Variants in UGT1A8 observed in about 807,000 individuals in gnomAD.
UGT1A8 encodes the protein UDP-glucuronosyltransferase 1A8.
Under a neutral mutation model 45.3 loss-of-function variants are expected in UGT1A8, and 39 were observed. The ratio of observed to expected loss-of-function variants is 0.86; its 90% CI spans 0.67 to 1.12. The LOEUF (loss-of-function observed/expected upper bound fraction) is 1.12. Ranked by LOEUF, UGT1A8 falls within the 50% of genes most tolerant of loss-of-function variation. The pLI is 0.00. For missense variants in UGT1A8, 719 were observed against 664.9 expected (o/e 1.08, Z -0.90); for synonymous variants, 275 against 249.2 (o/e 1.10, Z -0.97).
chr2:233,682,304 A>G, intron 1 of UGT1A8: 1 of 1,614,070 alleles, frequency 6.2e-7, no homozygotes, highest in South Asian at 1.1e-5. Flanking sequence ...ATTTTTTTCA[A>G]ATTGCAGGAG....
At chr2:233,718,270 A>G (rs1323395079) in intron 1 of UGT1A8, among the ~76,000 whole-genome samples, 2 of 152,200 alleles carry the variant, frequency 1.3e-5, no homozygotes, top group Non-Finnish European at 2.9e-5. Context: ...GGTGTGAAAA[A>G]AGACCAAAAC....
Position 233,772,243 on chromosome 2 carries a change from A to G in UGT1A8, c.1296-19A>G, listed in dbSNP as rs763747891. The stretch of plus-strand genomic sequence containing the variant: ...TACCACAGGTGTTCCAGGCATAACG[A>G]AACTGTCTTTGTGTTTAGTTACAAG... On this transcript the variant is annotated intron_variant, in intron 4 of 4. Coordinates refer to ENST00000373450, the MANE Select transcript of UGT1A8 (RefSeq NM_019076.5). 2 of 1,614,184 alleles carry G rather than the reference A, an allele frequency of 1.2e-6. No homozygotes were observed. The highest frequency in any genetic ancestry group is 1.7e-6 in the Non-Finnish European group (2 of 1,180,028).
intron 1 of UGT1A8, among the ~76,000 whole-genome samples, chr2:233,757,777 G>A (rs1409053330): frequency 6.6e-6 from 1 of 151,782 alleles, no homozygotes; most frequent in African/African-American, 2.4e-5. Flanking sequence ...TAATAAGCCT[G>A]TCATTCTGAT....
intron 1 of UGT1A8, among the ~76,000 whole-genome samples, chr2:233,654,966 C>T (rs1295901027): frequency 6.6e-6 from 1 of 152,054 alleles, no homozygotes; most frequent in Non-Finnish European, 1.5e-5. Flanking sequence ...TGGCGGGCAT[C>T]TGTAATCATA....
intron 1 of UGT1A8, among the ~76,000 whole-genome samples, chr2:233,731,009 C>T (rs868145572): frequency 3.3e-5 from 5 of 152,260 alleles, no homozygotes; most frequent in Middle Eastern, 3.4e-3. Flanking sequence ...CCATGTACAT[C>T]GTGAGAGAAT....
intron 1 of UGT1A8, among the ~76,000 whole-genome samples, chr2:233,715,641 G>A (rs1196189169): frequency 6.6e-6 from 1 of 152,000 alleles, no homozygotes; most frequent in Non-Finnish European, 1.5e-5. Context: ...GTGTGATGGT[G>A]CACACCTGTG....
chr2:233,643,280 C>T (rs766689929), intron 1 of UGT1A8, among the ~76,000 whole-genome samples: 9 of 152,134 alleles, frequency 5.9e-5, no homozygotes, highest in Admixed American at 1.3e-4. Context: ...GCAGTCCTTC[C>T]CATTCTTCCC....
chr2:233,684,844 T>C (rs1025882496), intron 1 of UGT1A8, among the ~76,000 whole-genome samples: 5 of 152,234 alleles, frequency 3.3e-5, no homozygotes, highest in African/African-American at 4.8e-5. Context: ...TTATGGACAC[T>C]GTATAGTGTT....
intron 1 of UGT1A8, among the ~76,000 whole-genome samples, chr2:233,726,159 C>T (rs986768021): frequency 9.2e-5 from 14 of 152,064 alleles, no homozygotes; most frequent in African/African-American, 3.4e-4. Flanking sequence ...GAGTGAGGCC[C>T]CATTTCAAAA....
At chr2:233,716,813 G>C (rs1182670482) in intron 1 of UGT1A8, among the ~76,000 whole-genome samples, 1 of 152,094 alleles carries the variant, frequency 6.6e-6, no homozygotes, top group Admixed American at 6.6e-5. Context: ...GACGTTGCTG[G>C]GGTGACCTCA....
At chr2:233,713,299 C>T in intron 1 of UGT1A8, 2 of 1,614,232 alleles carry the variant, frequency 1.2e-6, no homozygotes, top group Non-Finnish European at 1.7e-6. Context: ...TTCTTTGAAA[C>T]AGAACATCTT....
intron 1 of UGT1A8, among the ~76,000 whole-genome samples, chr2:233,667,550 A>G (rs1208145569): frequency 2.6e-5 from 4 of 152,256 alleles, no homozygotes; most frequent in Admixed American, 2.6e-4. Flanking sequence ...ATTAAACTAA[A>G]GAGCTTCTGC....
At chr2:233,689,324 T>C (rs1400176387) in intron 1 of UGT1A8, among the ~76,000 whole-genome samples, 1 of 152,182 alleles carries the variant, frequency 6.6e-6, no homozygotes, top group Non-Finnish European at 1.5e-5. Flanking sequence ...ACATCTACAC[T>C]GAGATTTGCA....
At chr2:233,633,221 A>AT (rs1268499368) in intron 1 of UGT1A8, among the ~76,000 whole-genome samples, 3 of 152,132 alleles carry the variant, frequency 2.0e-5, no homozygotes, top group African/African-American at 7.2e-5. Flanking sequence ...CCAGTACTTT[A>AT]TTGAGGATAT....
intron 1 of UGT1A8, among the ~76,000 whole-genome samples, chr2:233,711,291 G>C (rs4233633): frequency 0.17 from 25,883 of 152,238 alleles, 2,419 homozygotes; most frequent in South Asian, 0.25. Context: ...AGACGTGGGA[G>C]TAGAAATTAG....
At position 233,713,302 on chromosome 2, in the gene UGT1A8, A is replaced by G. The variant is rs750198016; in HGVS notation, c.856-53732A>G. The G allele has an allele frequency of 6.2e-6, 10 of 1,614,126 alleles. No individual in the cohort carries two copies. In the Admixed American group the frequency reaches 1.7e-4, roughly 27 times the overall value. The stretch of plus-strand genomic sequence containing the variant: ...CACACTCAATCGTTCTTTGAAACAG[A>G]ACATCTTCTGATGAAATTTTCTAGA... On this transcript the variant is annotated intron_variant, in intron 1 of 4. Transcript: ENST00000373450.
rs572292446 is a variant in UGT1A8, at chr2:233,711,883, C to T, written c.856-55151C>T. On this transcript the variant is annotated intron_variant, in intron 1 of 4. Transcript: ENST00000373450. ...GTATGAGTGACTTTCTGGAGCAGGA[C>T]GAGTCTCATGGGCGTGAGACCATTG... is the stretch of plus-strand genomic sequence containing the variant. Among the ~76,000 whole-genome samples the T allele has an allele frequency of 3.3e-5, 5 of 152,278 alleles. No homozygotes were observed. In the South Asian group the frequency reaches 8.3e-4, roughly 25 times the overall value.
At chr2:233,724,425 G>C (rs1323206550) in intron 1 of UGT1A8, among the ~76,000 whole-genome samples, 9 of 126,856 alleles carry the variant, frequency 7.1e-5, no homozygotes, top group Admixed American at 1.5e-4. Context: ...CGGGCGGAGA[G>C]GCTCCTCACT....
At chr2:233,649,696 T>G (rs1336652126) in intron 1 of UGT1A8, among the ~76,000 whole-genome samples, 2 of 152,204 alleles carry the variant, frequency 1.3e-5, no homozygotes, top group Admixed American at 1.3e-4. Flanking sequence ...CAGGTGTTTT[T>G]CTGCTAAAGA....
Sources: allele counts gnomAD v4.1 joint callset (sites outside exome capture counted in the v4.1 genomes callset), GRCh38; gene constraint gnomAD v4.1.1; transcripts MANE v1.5; gene names NCBI Gene and HGNC (gene_info 2026-07-23, HGNC 2026-07-21).